Variants in OPA1 observed in about 807,000 individuals in gnomAD.
OPA1 encodes the protein dynamin-like GTPase OPA1, mitochondrial.
In OPA1, 59 loss-of-function variants were observed where a neutral mutation model predicts 152.9. The ratio of observed to expected loss-of-function variants is 0.39; its 90% CI spans 0.31 to 0.48. The LOEUF is 0.48. Among genes scored for constraint, OPA1 ranks in the 20% least tolerant of loss-of-function variants. The pLI is 0.96. For synonymous variants in OPA1, 400 were observed against 389.9 expected, an observed-to-expected ratio of 1.03 and a Z score of -0.31; for missense variants, 1,008 against 1,216.8, an observed-to-expected ratio of 0.83 and a Z score of 2.55.
At chr3:193,618,572 C>G (rs1729451549) in intron 5 of OPA1, 1 of 356,948 alleles carries the variant, frequency 2.8e-6, no homozygotes, top group South Asian at 3.0e-5. Flanking sequence ...TGTAAGTACT[C>G]TCATGTAAAA....
chr3:193,668,775 C>A (rs1717274314), intron 29 of OPA1: 1 of 1,216,344 alleles, frequency 8.2e-7, no homozygotes, highest in African/African-American at 1.6e-5. Context: ...CTAATAATCA[C>A]TTTGTCACTG....
intron 29 of OPA1, among the ~76,000 whole-genome samples, chr3:193,679,603 T>A (rs186866360): frequency 4.6e-5 from 7 of 152,302 alleles, no homozygotes; most frequent in East Asian, 1.9e-4. Flanking sequence ...GGACTTTTTT[T>A]AAAGAATTGT....
intron 21 of OPA1, among the ~76,000 whole-genome samples, chr3:193,649,311 T>C (rs1318792063): frequency 6.6e-6 from 1 of 152,190 alleles, no homozygotes; most frequent in African/African-American, 2.4e-5. Flanking sequence ...AACTTAATGC[T>C]ATTAATACTT....
intron 29 of OPA1, among the ~76,000 whole-genome samples, chr3:193,672,312 G>A (rs984293845): frequency 1.3e-5 from 2 of 152,082 alleles, no homozygotes; most frequent in Non-Finnish European, 2.9e-5. Flanking sequence ...CTAAGTATCT[G>A]GGCATCAATA....
At chr3:193,602,809 A>G (rs868270732) in intron 1 of OPA1, among the ~76,000 whole-genome samples, 8 of 150,020 alleles carry the variant, frequency 5.3e-5, no homozygotes, top group Admixed American at 1.3e-4. Flanking sequence ...GAGTTCCTCT[A>G]TCACTGGAGA....
chr3:193,655,375 G>T (rs1251517317), intron 22 of OPA1, among the ~76,000 whole-genome samples: 3 of 152,222 alleles, frequency 2.0e-5, no homozygotes, highest in African/African-American at 4.8e-5. Flanking sequence ...GGATTATAGA[G>T]ATTCCATAAA....
intron 20 of OPA1, 42 bp downstream of exon 20, chr3:193,648,176 T>A: frequency 6.8e-7 from 1 of 1,461,126 alleles, no homozygotes; most frequent in Non-Finnish European, 9.6e-7. Context: ...TATCTTAATT[T>A]AATGTTGTTT....
At chr3:193,628,028 C>A (rs1449139290) in intron 7 of OPA1, among the ~76,000 whole-genome samples, 1 of 152,034 alleles carries the variant, frequency 6.6e-6, no homozygotes, top group African/African-American at 2.4e-5. Flanking sequence ...AAGACTGTTA[C>A]CTTACAATAT....
intron 29 of OPA1, among the ~76,000 whole-genome samples, chr3:193,676,886 C>T (rs1232275336): frequency 5.5e-5 from 8 of 146,416 alleles, no homozygotes; most frequent in Non-Finnish European, 1.0e-4. Flanking sequence ...GAGGCTGAGG[C>T]AGGAGAATGG....
At chr3:193,664,039 A>AT (rs564787015) in intron 26 of OPA1, among the ~76,000 whole-genome samples, 13 of 150,368 alleles carry the variant, frequency 8.6e-5, no homozygotes, top group African/African-American at 1.9e-4. Flanking sequence ...ATGTTACGTG[A>AT]TTTTTTTTTT....
chr3:193,625,386 A>G (rs1174934551), intron 6 of OPA1, among the ~76,000 whole-genome samples: 1 of 152,084 alleles, frequency 6.6e-6, no homozygotes, highest in Non-Finnish European at 1.5e-5. Context: ...TAATTTGTAT[A>G]TGCTTGGCTG....
At chr3:193,611,040 G>A (rs1728155127) in intron 1 of OPA1, among the ~76,000 whole-genome samples, 1 of 152,176 alleles carries the variant, frequency 6.6e-6, no homozygotes, top group African/African-American at 2.4e-5. Flanking sequence ...TGCACCCACT[G>A]TCCTGCACCC....
intron 17 of OPA1, 28 bp downstream of exon 17, chr3:193,645,653 A>C (rs765730788): frequency 1.2e-6 from 2 of 1,607,042 alleles, no homozygotes; most frequent in South Asian, 2.2e-5. Flanking sequence ...ATAATAACTT[A>C]TTTTTAGTTT....
At chr3:193,636,507 AATT>A (rs1732971365) in intron 9 of OPA1, among the ~76,000 whole-genome samples, 1 of 151,526 alleles carries the variant, frequency 6.6e-6, no homozygotes, top group African/African-American at 2.4e-5. Context: ...ACTTATCCAT[AATT>A]ATTAAATGCT....
intron 1 of OPA1, among the ~76,000 whole-genome samples, chr3:193,606,754 T>G (rs1302866459): frequency 6.6e-6 from 1 of 152,236 alleles, no homozygotes; most frequent in Non-Finnish European, 1.5e-5. Flanking sequence ...TATAGCAGCA[T>G]GATTTATAAT....
chr3:193,616,856 G>A (rs760937509), intron 3 of OPA1, among the ~76,000 whole-genome samples: 8 of 152,084 alleles, frequency 5.3e-5, no homozygotes, highest in Non-Finnish European at 8.8e-5. Context: ...CTATGTTGAC[G>A]AATCCATTTG....
chr3:193,616,154 T>C (rs1359389988), intron 3 of OPA1, among the ~76,000 whole-genome samples: 1 of 152,112 alleles, frequency 6.6e-6, no homozygotes, highest in African/African-American at 2.4e-5. Flanking sequence ...CGGGACTACA[T>C]GTGTGTGCCA....
Position 193,593,311 on chromosome 3 carries a change from G to A in OPA1, c.-67G>A. On this transcript the variant is annotated 5_prime_UTR_variant, in exon 1 of 31. Coordinates refer to ENST00000361510, the MANE Select transcript of OPA1 (RefSeq NM_130837.3). ...TGGGTCATTCCTGGACCGGGAGCCG[G>A]GCTGGGGCTCACACGGGGGCTCCCG... The A allele has an allele frequency of 6.6e-7, 1 of 1,504,688 alleles. No homozygotes were observed. The highest frequency in any genetic ancestry group is 1.3e-5 in the South Asian group (1 of 78,930). The allele number at this position is 1,504,688 out of a possible 1,614,324, so 93.2% of individuals were successfully genotyped here.
intron 12 of OPA1, 58 bp from the exon 13 acceptor site, chr3:193,642,917 G>A: frequency 6.4e-7 from 1 of 1,573,082 alleles, no homozygotes; most frequent in Non-Finnish European, 8.7e-7. Flanking sequence ...GACAGTTAAA[G>A]AATATTTGTG....
Sources: allele counts gnomAD v4.1 joint callset (sites outside exome capture counted in the v4.1 genomes callset), GRCh38; gene constraint gnomAD v4.1.1; transcripts MANE v1.5; gene names NCBI Gene and HGNC (gene_info 2026-07-23, HGNC 2026-07-21).